Variants in CYRIB observed in about 807,000 individuals in gnomAD.
CYRIB encodes the protein CYFIP related Rac1 interactor B.
CYRIB carries 8 observed loss-of-function variants against 44.2 expected under a neutral mutation model. The observed-to-expected ratio is 0.18, with a 90% CI of 0.11 to 0.33. The LOEUF is 0.33. Among genes scored for constraint, CYRIB ranks in the 10% least tolerant of loss-of-function variants. The pLI, the probability that CYRIB is intolerant of heterozygous loss-of-function variation, is 1.00. For missense variants in CYRIB, 185 were observed against 382.8 expected, an observed-to-expected ratio of 0.48 and a Z score of 4.31; for synonymous variants, 131 against 127.2, an observed-to-expected ratio of 1.03 and a Z score of -0.20.
At chr8:130,011,850 T>C (rs2097228027) in intron 1 of CYRIB, among the ~76,000 whole-genome samples, 1 of 149,766 alleles carries the variant, frequency 6.7e-6, no homozygotes, top group Non-Finnish European at 1.5e-5. Context: ...AAAATAAAAA[T>C]AAAAATAATT....
chr8:129,884,794 A>T (rs2062088205), intron 2 of CYRIB, among the ~76,000 whole-genome samples: 1 of 152,236 alleles, frequency 6.6e-6, no homozygotes, highest in Admixed American at 6.5e-5. Context: ...TAAATTTAAC[A>T]CAGATTTAAT....
At chr8:129,923,117 C>G (rs1390003566) in intron 1 of CYRIB, among the ~76,000 whole-genome samples, 1 of 149,240 alleles carries the variant, frequency 6.7e-6, no homozygotes, top group Non-Finnish European at 1.5e-5. Flanking sequence ...GTGGCACATG[C>G]CTGTAGTCCC....
At chr8:129,979,292 A>T (rs1478920207) in intron 1 of CYRIB, among the ~76,000 whole-genome samples, 4 of 152,150 alleles carry the variant, frequency 2.6e-5, no homozygotes, top group Non-Finnish European at 5.9e-5. Flanking sequence ...GTGCCTTGGA[A>T]ATAACATAAC....
At chr8:129,977,682 C>T (rs985565548) in intron 1 of CYRIB, among the ~76,000 whole-genome samples, 10 of 152,138 alleles carry the variant, frequency 6.6e-5, no homozygotes, top group Admixed American at 1.3e-4. Context: ...CAGGCGCCCG[C>T]CACCACGCCC....
At chr8:129,936,454 T>C (rs2092805166) in intron 1 of CYRIB, among the ~76,000 whole-genome samples, 1 of 152,138 alleles carries the variant, frequency 6.6e-6, no homozygotes, top group African/African-American at 2.4e-5. Context: ...AGAGCCAGGA[T>C]TTAGTGAACT....
At chr8:130,009,459 G>A (rs898773439) in intron 1 of CYRIB, among the ~76,000 whole-genome samples, 4 of 152,000 alleles carry the variant, frequency 2.6e-5, no homozygotes, top group African/African-American at 9.7e-5. Context: ...GTAGAAACAG[G>A]GTTTCACCAT....
intron 1 of CYRIB, among the ~76,000 whole-genome samples, chr8:129,912,072 G>T (rs1158458156): frequency 6.6e-6 from 1 of 152,106 alleles, no homozygotes; most frequent in Non-Finnish European, 1.5e-5. Context: ...TTAAAAGAAA[G>T]AATTTTTAGT....
intron 1 of CYRIB, among the ~76,000 whole-genome samples, chr8:129,925,066 T>C (rs891300236): frequency 2.0e-5 from 3 of 152,150 alleles, no homozygotes; most frequent in African/African-American, 4.8e-5. Context: ...GGTGGGGCAA[T>C]TATGTGCTAT....
At chr8:129,935,804 T>C (rs1424855250) in intron 1 of CYRIB, among the ~76,000 whole-genome samples, 1 of 152,174 alleles carries the variant, frequency 6.6e-6, no homozygotes, top group African/African-American at 2.4e-5. Flanking sequence ...CAAAAATATA[T>C]CTCTGCATTA....
chr8:129,894,507 G>A (rs1332516040), intron 2 of CYRIB: 1 of 152,212 alleles, frequency 6.6e-6, no homozygotes, highest in Non-Finnish European at 1.5e-5. Context: ...TGCTGGGGCT[G>A]AGAATGCAAA....
intron 1 of CYRIB, among the ~76,000 whole-genome samples, chr8:130,007,846 A>T (rs762469680): frequency 4.6e-5 from 7 of 152,034 alleles, no homozygotes; most frequent in Non-Finnish European, 7.4e-5. Flanking sequence ...AAGAAAGTTA[A>T]TATTGCCATA....
At chr8:129,855,848 TCTC>T in intron 5 of CYRIB, 101 bp from the exon 8 acceptor site, 1 of 1,155,780 alleles carries the variant, frequency 8.7e-7, no homozygotes, top group African/African-American at 1.6e-5. Flanking sequence ...CCAGAAAAGT[TCTC>T]TTTAAAAAAC....
At chr8:129,986,525 T>A (rs1289154498) in intron 1 of CYRIB, among the ~76,000 whole-genome samples, 1 of 152,178 alleles carries the variant, frequency 6.6e-6, no homozygotes, top group East Asian at 1.9e-4. Flanking sequence ...ATTCATCCAT[T>A]CATGGATTAA....
At chr8:129,877,174 T>C (rs1221624550) in intron 3 of CYRIB, among the ~76,000 whole-genome samples, 1 of 152,234 alleles carries the variant, frequency 6.6e-6, no homozygotes, top group African/African-American at 2.4e-5. Context: ...TAGTTTGGTA[T>C]ACAGTATGCT....
intron 1 of CYRIB, among the ~76,000 whole-genome samples, chr8:130,004,761 ATT>A (rs775327457): frequency 5.7e-5 from 7 of 123,860 alleles, no homozygotes; most frequent in Non-Finnish European, 6.8e-5. Flanking sequence ...ATTGTCAGGA[ATT>A]TTTTTTTTTT....
chr8:129,848,430 G>GA (rs2041485662), intron 10 of CYRIB, among the ~76,000 whole-genome samples: 1 of 152,216 alleles, frequency 6.6e-6, no homozygotes, highest in Non-Finnish European at 1.5e-5. Flanking sequence ...ACGAAGTAGA[G>GA]AAATTAGAAA....
At chr8:130,016,282 C>A (rs1269616707) in intron 1 of CYRIB, 88 bp downstream of exon 1, 2 of 147,590 alleles carry the variant, frequency 1.4e-5, no homozygotes, top group Admixed American at 1.3e-4. Context: ...GCGCCCCGCA[C>A]CCCGCGCCCT....
rs555920358 is a variant in CYRIB at position 129,949,248 on chromosome 8, G to A, written c.-243+21695C>T. The A allele has an allele frequency of 2.0e-5, 3 of 152,250 alleles. No individual in the cohort carries two copies. The East Asian group carries it at 5.8e-4, about 29-fold the overall frequency. The allele number at this position is 152,250 out of a possible 1,614,324, so 9.4% of individuals were successfully genotyped here. A position where few individuals can be genotyped will look rare whatever the true frequency, so the allele number is the denominator to read the frequency against. ...GGATTTAATGTGAAATATAATGACAGAAGAACTATTACCACCAATATCTCT... is the reference window on the plus strand; with the variant it reads ...GGATTTAATGTGAAATATAATGACAAAAGAACTATTACCACCAATATCTCT... On this transcript the variant is annotated intron_variant, in intron 2 of 14. Coordinates refer to the CYRIB transcript ENST00000401979.
At chr8:129,883,508 C>T (rs559594452) in intron 2 of CYRIB, among the ~76,000 whole-genome samples, 1 of 152,168 alleles carries the variant, frequency 6.6e-6, no homozygotes, top group East Asian at 1.9e-4. Context: ...TAAAAACAGT[C>T]CCATTATAAC....
Sources: allele counts gnomAD v4.1 joint callset (sites outside exome capture counted in the v4.1 genomes callset), GRCh38; gene constraint gnomAD v4.1.1; transcripts MANE v1.5; gene names NCBI Gene and HGNC (gene_info 2026-07-23, HGNC 2026-07-21).